Variants in LRRTM4 observed in about 807,000 individuals in gnomAD.
LRRTM4 encodes the protein leucine-rich repeat transmembrane neuronal protein 4.
Under a neutral mutation model 47.6 loss-of-function variants are expected in LRRTM4, and 25 were observed. The ratio of observed to expected loss-of-function variants is 0.53; its 90% CI spans 0.38 to 0.73. The LOEUF (loss-of-function observed/expected upper bound fraction) is 0.73. Among genes scored for constraint, LRRTM4 ranks in the 30% least tolerant of loss-of-function variants. The pLI is 0.00. For synonymous variants in LRRTM4, 311 were observed against 269.5 expected (o/e 1.15, Z -1.51); for missense variants, 638 against 713.4 (o/e 0.89, Z 1.20).
Position 77,145,771 on chromosome 2 carries a change from C to T in LRRTM4, c.1551+372547G>A, listed in dbSNP as rs570546510. Reference sequence around the variant, plus strand: ...CCTGGGTGACAAAGCGAGGCTCCGTCTCAAAAAATAAATAAATAAATAAAT... The same window carrying T: ...CCTGGGTGACAAAGCGAGGCTCCGTTTCAAAAAATAAATAAATAAATAAAT... On this transcript the variant is annotated intron_variant, in intron 3 of 3. Coordinates refer to ENST00000409884, the MANE Select transcript of LRRTM4 (RefSeq NM_001134745.3). Among the ~76,000 whole-genome samples, 151 of 116,518 alleles carry T rather than the reference C, an allele frequency of 1.3e-3. 1 individual carries two copies. The highest frequency in any genetic ancestry group is 6.4e-3 in the African/African-American group (137 of 21,392). 76.4% of individuals were successfully genotyped at this position (116,518 alleles called of 152,430 possible).
chr2:77,241,597 G>A (rs6747704), intron 3 of LRRTM4, among the ~76,000 whole-genome samples: 7,538 of 151,614 alleles, frequency 0.05, 635 homozygotes, highest in African/African-American at 0.17. Context: ...ATTGAATAGA[G>A]ATTAGGTATG....
intron 3 of LRRTM4, among the ~76,000 whole-genome samples, chr2:77,138,642 T>TA (rs1672022392): frequency 6.6e-6 from 1 of 151,922 alleles, no homozygotes; most frequent in East Asian, 1.9e-4. Flanking sequence ...CTGAAGGAGA[T>TA]AGAGATATAA....
intron 3 of LRRTM4, among the ~76,000 whole-genome samples, chr2:76,766,905 G>C (rs111553573): frequency 6.6e-6 from 1 of 152,168 alleles, no homozygotes; most frequent in African/African-American, 2.4e-5. Flanking sequence ...AATGTCAAAA[G>C]TGCAGCTGCT....
intron 3 of LRRTM4, among the ~76,000 whole-genome samples, chr2:76,797,759 G>C (rs1310432985): frequency 6.6e-6 from 1 of 150,814 alleles, no homozygotes; most frequent in Admixed American, 6.6e-5. Context: ...CAAAATAAAA[G>C]GATGGGGGAA....
At chr2:76,932,457 G>T (rs1674802399) in intron 3 of LRRTM4, among the ~76,000 whole-genome samples, 1 of 151,972 alleles carries the variant, frequency 6.6e-6, no homozygotes, top group Non-Finnish European at 1.5e-5. Flanking sequence ...CATCACAGGA[G>T]TGTTTAGCCA....
intron 3 of LRRTM4, among the ~76,000 whole-genome samples, chr2:76,820,547 G>A (rs559493821): frequency 1.3e-5 from 2 of 151,756 alleles, no homozygotes; most frequent in African/African-American, 2.4e-5. Flanking sequence ...AGAAATTTGC[G>A]ATAAAAAAAT....
chr2:77,211,107 AT>A (rs1674281254), intron 3 of LRRTM4, among the ~76,000 whole-genome samples: 1 of 122,248 alleles, frequency 8.2e-6, no homozygotes, highest in African/African-American at 3.6e-5. Context: ...GGGGAAATAG[AT>A]AGAGAAGTGT....
Position 77,518,483 on chromosome 2 carries a change from A to C in LRRTM4, c.1386T>G (p.Leu462=), listed in dbSNP as rs745782851. 1.2e-6 allele frequency: 2 copies of C among 1,613,314 alleles called. No individual in the cohort carries two copies. The highest frequency in any genetic ancestry group is 3.3e-5 in the Admixed American group (2 of 59,852). ...ASMKQLQQHS[L]MKRRRKKARE... is the part of the protein sequence containing the mutation. ...TGGCCTTTTTCCGCCGCCTCTTCAT[A>C]AGAGAGTGTTGCTGGAGTTGTTTCA... is the stretch of plus-strand genomic sequence containing the variant. Residue 462 remains leucine, a synonymous_variant, in exon 3 of 4, where the codon CTT becomes CTG. Coordinates refer to ENST00000409884, the MANE Select transcript of LRRTM4 (RefSeq NM_001134745.3).
intron 3 of LRRTM4, among the ~76,000 whole-genome samples, chr2:77,515,830 C>A (rs759234671): frequency 6.6e-6 from 1 of 151,796 alleles, no homozygotes; most frequent in East Asian, 1.9e-4. Context: ...AATTTTACTC[C>A]GAGTGACAAA....
chr2:77,162,598 G>A (rs988169112), intron 3 of LRRTM4, among the ~76,000 whole-genome samples: 1 of 152,092 alleles, frequency 6.6e-6, no homozygotes, highest in African/African-American at 2.4e-5. Context: ...CCCTCATATG[G>A]CCTGGTGTCC....
At chr2:77,112,795 G>A (rs979303804) in intron 3 of LRRTM4, among the ~76,000 whole-genome samples, 1 of 152,042 alleles carries the variant, frequency 6.6e-6, no homozygotes, top group African/African-American at 2.4e-5. Context: ...ACGGCTTTGT[G>A]GGTCTCTGAT....
At chr2:77,431,937 G>A (rs1203600634) in intron 3 of LRRTM4, among the ~76,000 whole-genome samples, 1 of 151,966 alleles carries the variant, frequency 6.6e-6, no homozygotes, top group Non-Finnish European at 1.5e-5. Flanking sequence ...AGCCGGGCAT[G>A]GTGGCATGTG....
chr2:77,267,971 C>A (rs1676093096), intron 3 of LRRTM4, among the ~76,000 whole-genome samples: 2 of 152,116 alleles, frequency 1.3e-5, no homozygotes, highest in Admixed American at 1.3e-4. Flanking sequence ...ACATCTCTGG[C>A]TATTGACTGT....
rs1266554421 is a variant in LRRTM4 at position 77,385,798 on chromosome 2, A to T, written c.1551+132520T>A. On this transcript the variant is annotated intron_variant, in intron 3 of 3. Coordinates refer to ENST00000409884, the MANE Select transcript of LRRTM4 (RefSeq NM_001134745.3). ...AGTCTCACTCTGTCACCCAGGCTGGAGTGCCGTGGCACGATCTCAGCTCGG... is the reference window on the plus strand; with the variant it reads ...AGTCTCACTCTGTCACCCAGGCTGGTGTGCCGTGGCACGATCTCAGCTCGG... Among the ~76,000 whole-genome samples the T allele has an allele frequency of 1.3e-4, 16 of 123,722 alleles. No homozygotes were observed. The East Asian group carries it at 3.8e-3, about 29-fold the overall frequency. The allele number at this position is 123,722 out of a possible 152,430, so 81.2% of individuals were successfully genotyped here.
intron 3 of LRRTM4, among the ~76,000 whole-genome samples, chr2:77,102,102 G>A (rs1228509907): frequency 6.6e-6 from 1 of 152,182 alleles, no homozygotes; most frequent in Non-Finnish European, 1.5e-5. Context: ...CCAGCCTGCA[G>A]CTTCTTTCTA....
intron 3 of LRRTM4, among the ~76,000 whole-genome samples, chr2:77,033,242 G>T: frequency 6.6e-6 from 1 of 151,862 alleles, no homozygotes; most frequent in South Asian, 2.1e-4. Context: ...ATTGTCACAT[G>T]CATTTATTAT....
At chr2:76,993,965 A>G (rs1433952068) in intron 3 of LRRTM4, among the ~76,000 whole-genome samples, 1 of 151,936 alleles carries the variant, frequency 6.6e-6, no homozygotes, top group Non-Finnish European at 1.5e-5. Context: ...AGCAACATAG[A>G]TGCAGCTAAA....
chr2:77,417,831 C>T (rs992360822), intron 3 of LRRTM4, among the ~76,000 whole-genome samples: 4 of 151,978 alleles, frequency 2.6e-5, no homozygotes, highest in Non-Finnish European at 5.9e-5. Context: ...TTACTGGGTG[C>T]GGCACACCAA....
intron 3 of LRRTM4, among the ~76,000 whole-genome samples, chr2:77,277,310 AT>A (rs1676388629): frequency 7.3e-6 from 1 of 137,660 alleles, no homozygotes; most frequent in Admixed American, 6.9e-5. Context: ...TTAGTTCAGT[AT>A]AAGTTTTAAC....
Sources: gnomAD v4.1 joint callset for allele counts (sites outside exome capture counted in the v4.1 genomes callset) on GRCh38, gnomAD v4.1.1 for gene constraint, MANE v1.5 for transcripts, NCBI Gene and HGNC (gene_info 2026-07-23, HGNC 2026-07-21) for gene names.